Variants in ATP6V1A observed in about 807,000 individuals in gnomAD.
ATP6V1A encodes the protein ATPase H+ transporting V1 subunit A, also known as V-type proton ATPase catalytic subunit A.
A neutral mutation model predicts 70.1 loss-of-function variants in ATP6V1A; 18 were observed. That is an observed-to-expected ratio of 0.26 (90% CI 0.18 to 0.38). The LOEUF is 0.38. Among genes scored for constraint, ATP6V1A ranks in the 10% least tolerant of loss-of-function variants. The pLI is 1.00. For missense variants in ATP6V1A, 424 were observed against 772.4 expected (o/e 0.55, Z 5.35); for synonymous variants, 232 against 253.8 (o/e 0.91, Z 0.82).
chr3:113,784,767 C>T lies in ATP6V1A; in HGVS notation c.498C>T (p.Ile166=). ...VSENSLIKHK[I]MLPPRNRGTV... is the part of the protein sequence containing the mutation. ...AGAACTCGCTTATCAAACACAAAAT[C>T]ATGTTACCCCCACGAAACAGAGGAA... Residue 166 remains isoleucine, a synonymous_variant, in exon 5 of 15, where the codon ATC becomes ATT. Coordinates refer to ENST00000273398, the MANE Select transcript of ATP6V1A (RefSeq NM_001690.4). 6.2e-7 allele frequency: 1 copy of T among 1,614,062 alleles called. No homozygotes were observed.
Position 113,788,885 on chromosome 3 carries a change from A to G in ATP6V1A, c.879+10A>G, listed in dbSNP as rs200007334. ...CCGGGACTTCCCAGAGGTCTGTATA[A>G]AGCTTCAAATAATATCCTAGAGAAA... is the stretch of plus-strand genomic sequence containing the variant. On this transcript the variant is annotated intron_variant, in intron 7 of 14. Coordinates refer to ENST00000273398, the MANE Select transcript of ATP6V1A (RefSeq NM_001690.4). 37 of 1,607,950 alleles carry G rather than the reference A, an allele frequency of 2.3e-5. No homozygotes were observed. The highest frequency in any genetic ancestry group is 6.7e-5 in the African/African-American group (5 of 74,826).
intron 1 of ATP6V1A, among the ~76,000 whole-genome samples, chr3:113,753,452 A>G (rs998049488): frequency 6.6e-6 from 1 of 152,164 alleles, no homozygotes; most frequent in Admixed American, 6.5e-5. Flanking sequence ...TTTTCCTTAG[A>G]AATAAAAGCA....
In ATP6V1A at chr3:113,779,478, A is replaced by G. The variant is rs139565688; in HGVS notation, c.82+643A>G. On this transcript the variant is annotated intron_variant, in intron 2 of 14. Transcript: ENST00000273398. ...ATTCACAGTCACAGTTTCTCTAAGT[A>G]AAACCTGGTCAGTGATGTATTATCC... 8.7e-3 allele frequency among the ~76,000 whole-genome samples: 1,328 copies of G among 152,348 alleles called. 14 individuals are homozygous for G. Among genetic ancestry groups the G allele is most frequent in the African/African-American group, 0.029 (1,185 of 41,568 alleles).
chr3:113,807,303 C>G (rs911311737), intron 14 of ATP6V1A, among the ~76,000 whole-genome samples: 3 of 151,964 alleles, frequency 2.0e-5, no homozygotes, highest in Non-Finnish European at 2.9e-5. Context: ...GCCTCAGCCT[C>G]CCAAGTAGCT....
At chr3:113,763,192 A>G (rs771273657) in intron 1 of ATP6V1A, among the ~76,000 whole-genome samples, 6 of 152,006 alleles carry the variant, frequency 3.9e-5, no homozygotes, top group Non-Finnish European at 8.8e-5. Context: ...TCCTGGGTTC[A>G]CCATTCTGCC....
chr3:113,799,509 A>G (rs1275343353), intron 12 of ATP6V1A, among the ~76,000 whole-genome samples: 1 of 152,242 alleles, frequency 6.6e-6, no homozygotes, highest in Non-Finnish European at 1.5e-5. Context: ...TTTAAAAACT[A>G]GGATTAAGAC....
chr3:113,784,544 G>A, intron 4 of ATP6V1A, 106 bp downstream of exon 4: 1 of 1,386,556 alleles, frequency 7.2e-7, no homozygotes. Flanking sequence ...GACTACAGAA[G>A]GATAGTTTAA....
chr3:113,748,975 CGTAAGGAGAATTCCTTATGTG>C (rs1559746040), intron 1 of ATP6V1A, among the ~76,000 whole-genome samples: 2 of 152,070 alleles, frequency 1.3e-5, no homozygotes, highest in Non-Finnish European at 2.9e-5. Flanking sequence ...CATTGCACCA[CGTAAGGAGAATTCCTTATGTG>C]GTCTGGAAGT....
chr3:113,794,387 A>G (rs1482484107), intron 8 of ATP6V1A, among the ~76,000 whole-genome samples: 2 of 152,244 alleles, frequency 1.3e-5, no homozygotes, highest in Admixed American at 1.3e-4. Context: ...TAAAATGTGC[A>G]TTATATTAGG....
At chr3:113,802,233 A>G (rs1475868281) in intron 12 of ATP6V1A, among the ~76,000 whole-genome samples, 4 of 141,196 alleles carry the variant, frequency 2.8e-5, no homozygotes, top group African/African-American at 5.3e-5. Context: ...TATGAGCTAT[A>G]TAGATTTTTA....
At chr3:113,785,377 T>C (rs1709026535) in intron 5 of ATP6V1A, among the ~76,000 whole-genome samples, 1 of 151,924 alleles carries the variant, frequency 6.6e-6, no homozygotes, top group Admixed American at 6.6e-5. Flanking sequence ...GAGGCGGAGG[T>C]TGCAGTGAGC....
Position 113,809,643 on chromosome 3 carries a change from A to G in ATP6V1A, c.*216A>G, listed in dbSNP as rs1577099041. 1 of 428,360 alleles carries G rather than the reference A, an allele frequency of 2.3e-6. No homozygotes were observed. The allele number at this position is 428,360 out of a possible 1,614,324, so 26.5% of individuals were successfully genotyped here. ...TTGTGAAGGGCCTCCCTCTTCCTTT[A>G]TCTGAAGTGGTGAATATAGTAAATA... is the stretch of plus-strand genomic sequence containing the variant. On this transcript the variant is annotated 3_prime_UTR_variant, in exon 15 of 15. Transcript: ENST00000273398.
chr3:113,774,332 A>C (rs1708884778), intron 1 of ATP6V1A, among the ~76,000 whole-genome samples: 1 of 152,214 alleles, frequency 6.6e-6, no homozygotes, highest in Admixed American at 6.5e-5. Context: ...ATCTTAGCTT[A>C]TATTAATAGA....
intron 8 of ATP6V1A, among the ~76,000 whole-genome samples, chr3:113,793,322 C>G (rs531947686): frequency 6.6e-6 from 1 of 152,334 alleles, no homozygotes; most frequent in African/African-American, 2.4e-5. Context: ...CTTGGCCTCC[C>G]AAAGTGCTGG....
At chr3:113,787,035 C>T (rs1319051942) in intron 6 of ATP6V1A, among the ~76,000 whole-genome samples, 1 of 152,172 alleles carries the variant, frequency 6.6e-6, no homozygotes, top group Non-Finnish European at 1.5e-5. Flanking sequence ...CTGCCTTGGC[C>T]TCCCAAAGTA....
At chr3:113,775,653 T>A (rs1708902660) in intron 1 of ATP6V1A, among the ~76,000 whole-genome samples, 1 of 152,206 alleles carries the variant, frequency 6.6e-6, no homozygotes, top group African/African-American at 2.4e-5. Flanking sequence ...TTCTGCAGCA[T>A]GTTATTGGTA....
intron 1 of ATP6V1A, among the ~76,000 whole-genome samples, chr3:113,762,112 A>G (rs1245590011): frequency 7.6e-6 from 1 of 131,798 alleles, no homozygotes; most frequent in Non-Finnish European, 1.7e-5. Context: ...AGATCGCGCC[A>G]TTGCACTGCA....
intron 1 of ATP6V1A, among the ~76,000 whole-genome samples, chr3:113,761,519 C>T (rs927910872): frequency 5.3e-5 from 8 of 151,970 alleles, no homozygotes; most frequent in Non-Finnish European, 8.8e-5. Context: ...GGTAGATCAC[C>T]TGAGGTCGGG....
At chr3:113,751,872 T>G (rs1007327730) in intron 1 of ATP6V1A, among the ~76,000 whole-genome samples, 1 of 151,870 alleles carries the variant, frequency 6.6e-6, no homozygotes, top group Non-Finnish European at 1.5e-5. Flanking sequence ...TTCTGTATAT[T>G]TCTTTGTAGT....
Sources: allele counts gnomAD v4.1 joint callset (sites outside exome capture counted in the v4.1 genomes callset), GRCh38; gene constraint gnomAD v4.1.1; transcripts MANE v1.5; gene names NCBI Gene and HGNC (gene_info 2026-07-23, HGNC 2026-07-21).